The following ALPK1 variants were observed in gnomAD, a reference collection of about 807,000 sequenced individuals.
The protein encoded by ALPK1 is alpha kinase 1, also known as alpha-protein kinase 1.
Under a neutral mutation model 120.6 loss-of-function variants are expected in ALPK1, and 110 were observed. That is an observed-to-expected ratio of 0.91 (90% CI 0.78 to 1.07). ALPK1 has a LOEUF of 1.07. Among genes scored for constraint, ALPK1 ranks in the 50% least tolerant of loss-of-function variants. The pLI is 0.00. For synonymous variants in ALPK1, 582 were observed against 560.3 expected, an observed-to-expected ratio of 1.04 and a Z score of -0.55; for missense variants, 1,498 against 1,483.9, an observed-to-expected ratio of 1.01 and a Z score of -0.16.
At chr4:112,403,513 G>A (rs1434591158) in intron 4 of ALPK1, among the ~76,000 whole-genome samples, 2 of 152,144 alleles carry the variant, frequency 1.3e-5, no homozygotes, top group African/African-American at 4.8e-5. Flanking sequence ...GAGAGGTTTG[G>A]GCCCTGAACG....
At chr4:112,302,249 C>T (rs538599310) in intron 1 of ALPK1, 4 of 152,280 alleles carry the variant, frequency 2.6e-5, no homozygotes, top group Admixed American at 1.3e-4. Flanking sequence ...TAAGCACAAT[C>T]GTAAGTGCTT....
Position 112,432,284 on chromosome 4 carries a change from C to A in ALPK1, c.2737C>A (p.Gln913Lys). ...CTGCACTACCACAGAGGAAGGAAAT[C>A]AGCCTGGAAACATGCTAAACTGCAG... ...EDCTTTEEGNQPGNMLNCSQN... is the reference protein window; with the variant it reads ...EDCTTTEEGNKPGNMLNCSQN... The change falls in exon 11 of 16, where the codon CAG becomes AAG. Residue 913 changes from glutamine to lysine, a missense_variant. Coordinates refer to ENST00000650871, the MANE Select transcript of ALPK1 (RefSeq NM_025144.4). The A allele has an allele frequency of 6.2e-7, 1 of 1,614,216 alleles. No homozygotes were observed. Among genetic ancestry groups the A allele is most frequent in the Non-Finnish European group, 8.5e-7 (1 of 1,180,034 alleles).
chr4:112,351,873 T>C (rs1172748841), intron 2 of ALPK1, among the ~76,000 whole-genome samples: 1 of 152,248 alleles, frequency 6.6e-6, no homozygotes, highest in Admixed American at 6.5e-5. Flanking sequence ...TTATATATAA[T>C]CAATTATCTC....
chr4:112,356,257 C>A, intron 2 of ALPK1: 1 of 1,384,146 alleles, frequency 7.2e-7, no homozygotes, highest in Non-Finnish European at 1.0e-6. Flanking sequence ...TGGAGAGCCC[C>A]GCGGGCACAG....
intron 2 of ALPK1, among the ~76,000 whole-genome samples, chr4:112,338,918 G>A (rs975663076): frequency 1.3e-5 from 2 of 152,188 alleles, no homozygotes; most frequent in Admixed American, 6.5e-5. Context: ...TACCTGCTAC[G>A]TAGTGGGCAA....
Position 112,431,333 on chromosome 4 carries a change from G to A in ALPK1, c.1786G>A (p.Glu596Lys). 2.5e-6 allele frequency: 4 copies of A among 1,614,210 alleles called. No homozygotes were observed. The highest frequency in any genetic ancestry group is 3.4e-6 in the Non-Finnish European group (4 of 1,180,040). ...AGGGTTTAGTTCCTCTGCAAGCTGG[G>A]AGGAAGTGAATTATCACGTTGACGA... Reference protein sequence around the residue: ...LSGFSSSASWEEVNYHVDDRS... With the variant: ...LSGFSSSASWKEVNYHVDDRS... Residue 596 changes from glutamate to lysine, a missense_variant, in exon 11 of 16, where the codon GAG becomes AAG. Transcript: ENST00000650871.
chr4:112,327,173 T>C (rs1729152127), intron 2 of ALPK1, among the ~76,000 whole-genome samples: 3 of 152,218 alleles, frequency 2.0e-5, no homozygotes. Context: ...TTGTTCACAG[T>C]GCAGGTTTGA....
Position 112,431,320 on chromosome 4 carries a change from C to T in ALPK1, c.1773C>T (p.Ser591=), listed in dbSNP as rs1375691448. The T allele has an allele frequency of 1.2e-6, 2 of 1,614,204 alleles. No individual in the cohort carries two copies. Among genetic ancestry groups the T allele is most frequent in the African/African-American group, 2.7e-5 (2 of 75,064 alleles). ...GGAGCAACTTATCAGGGTTTAGTTC[C>T]TCTGCAAGCTGGGAGGAAGTGAATT... The part of the protein sequence containing the change: ...SAWSNLSGFS[S]SASWEEVNYH... The change falls in exon 11 of 16, where the codon TCC becomes TCT. Residue 591 remains serine, a synonymous_variant. Coordinates refer to ENST00000650871, the MANE Select transcript of ALPK1 (RefSeq NM_025144.4).
rs930087458 is a variant in ALPK1, at chr4:112,380,291, T to G, written c.122-2107T>G. On this transcript the variant is annotated intron_variant, in intron 3 of 15. Coordinates refer to ENST00000650871, the MANE Select transcript of ALPK1 (RefSeq NM_025144.4). ...AATTATGTCAGTGGCTGTAAGAGGG[T>G]CAGGTTTTCCAGCAGAATGTGGCCA... is the stretch of plus-strand genomic sequence containing the variant. 2.0e-5 allele frequency among the ~76,000 whole-genome samples: 3 copies of G among 152,102 alleles called. No homozygotes were observed. The South Asian group carries it at 6.2e-4, about 32-fold the overall frequency.
chr4:112,439,509 G>C (rs45623636), intron 13 of ALPK1, among the ~76,000 whole-genome samples, 177 bp from the exon 14 acceptor site: 2,651 of 152,262 alleles, frequency 0.017, 36 homozygotes, highest in Middle Eastern at 0.048. Flanking sequence ...GCATTTCCTT[G>C]CATAATCCCT....
intron 4 of ALPK1, chr4:112,383,780 T>C (rs905389774): frequency 7.9e-5 from 12 of 152,214 alleles, no homozygotes; most frequent in African/African-American, 1.9e-4. Context: ...AAATCCATCA[T>C]AAGTTGGAAA....
At chr4:112,394,587 A>T (rs1214465659) in intron 4 of ALPK1, among the ~76,000 whole-genome samples, 1 of 152,206 alleles carries the variant, frequency 6.6e-6, no homozygotes, top group Non-Finnish European at 1.5e-5. Flanking sequence ...CCCTGCTCTA[A>T]AACTCTGCCA....
chr4:112,342,931 A>G (rs1729922650), intron 2 of ALPK1: 1 of 152,260 alleles, frequency 6.6e-6, no homozygotes, highest in African/African-American at 2.4e-5. Context: ...GGGACCTGGA[A>G]TACCTACATA....
chr4:112,301,893 T>G (rs893099781), intron 1 of ALPK1, among the ~76,000 whole-genome samples: 1 of 152,054 alleles, frequency 6.6e-6, no homozygotes. Flanking sequence ...GACTTACAGA[T>G]GCATTTTCAC....
intron 1 of ALPK1, among the ~76,000 whole-genome samples, chr4:112,311,334 G>T (rs1246463796): frequency 6.6e-6 from 1 of 152,134 alleles, no homozygotes; most frequent in East Asian, 1.9e-4. Context: ...AGCTTGTTCT[G>T]TGTGTCAGCC....
intron 2 of ALPK1, chr4:112,356,744 G>A (rs1188954916): frequency 1.2e-6 from 1 of 828,170 alleles, no homozygotes; most frequent in Non-Finnish European, 2.1e-6. Context: ...CAAGCACGGA[G>A]TATGCCCTTA....
chr4:112,368,227 T>C (rs1356747811), intron 2 of ALPK1, among the ~76,000 whole-genome samples: 1 of 152,242 alleles, frequency 6.6e-6, no homozygotes, highest in Non-Finnish European at 1.5e-5. Context: ...CTAGAGTGAA[T>C]ATTTTTATCG....
intron 3 of ALPK1, among the ~76,000 whole-genome samples, chr4:112,379,435 G>A (rs1050887406): frequency 2.0e-5 from 3 of 152,234 alleles, no homozygotes; most frequent in Non-Finnish European, 4.4e-5. Context: ...GGGGAAGGAC[G>A]CCTCCTAAGC....
intron 1 of ALPK1, among the ~76,000 whole-genome samples, chr4:112,309,005 G>A (rs1040128910): frequency 2.0e-5 from 3 of 152,012 alleles, no homozygotes; most frequent in African/African-American, 7.3e-5. Flanking sequence ...GAGTTTGCTG[G>A]AGGACCACTC....
Sources: gnomAD v4.1 joint callset for allele counts (sites outside exome capture counted in the v4.1 genomes callset) on GRCh38, gnomAD v4.1.1 for gene constraint, MANE v1.5 for transcripts, NCBI Gene and HGNC (gene_info 2026-07-23, HGNC 2026-07-21) for gene names.